CDH7: variants seen among roughly 807,000 people sequenced by gnomAD.
CDH7 encodes cadherin 7, also known as cadherin-7.
In CDH7, 25 loss-of-function variants were observed where a neutral mutation model predicts 71.8. The observed-to-expected ratio is 0.35, with a 90% confidence interval of 0.25 to 0.49. The LOEUF (loss-of-function observed/expected upper bound fraction) is 0.49. CDH7 is among the 20% of genes least tolerant of loss of function. CDH7 has a pLI of 0.99. For synonymous variants in CDH7, 381 were observed against 363.8 expected, an observed-to-expected ratio of 1.05 and a Z score of -0.54; for missense variants, 862 against 974.6, an observed-to-expected ratio of 0.88 and a Z score of 1.54.
intron 2 of CDH7, among the ~76,000 whole-genome samples, chr18:65,806,806 T>TA: frequency 6.6e-6 from 1 of 152,312 alleles, no homozygotes; most frequent in South Asian, 2.1e-4. Flanking sequence ...AGTTTTTTAC[T>TA]AAGAGTGTGG....
chr18:65,818,950 T>C (rs1568202038), intron 4 of CDH7, among the ~76,000 whole-genome samples: 1 of 152,168 alleles, frequency 6.6e-6, no homozygotes, highest in Non-Finnish European at 1.5e-5. Flanking sequence ...ATGGTCCTTA[T>C]GAGGTAGGAG....
intron 11 of CDH7, among the ~76,000 whole-genome samples, chr18:65,869,268 A>G (rs534437077): frequency 3.6e-4 from 55 of 150,802 alleles, no homozygotes; most frequent in African/African-American, 1.3e-3. Context: ...ACCATTCTCT[A>G]TCAGAACCAA....
At chr18:65,773,773 G>C (rs1428723592) in intron 2 of CDH7, among the ~76,000 whole-genome samples, 1 of 152,092 alleles carries the variant, frequency 6.6e-6, no homozygotes, top group African/African-American at 2.4e-5. Flanking sequence ...CGTAATATCT[G>C]TATGTTCTCA....
At chr18:65,756,605 C>T (rs1031657986) in intron 1 of CDH7, among the ~76,000 whole-genome samples, 22 of 152,180 alleles carry the variant, frequency 1.4e-4, no homozygotes, top group African/African-American at 4.8e-4. Context: ...GAGGCAGACT[C>T]CAGACAGCAG....
chr18:65,777,345 A>T (rs1451129222), intron 2 of CDH7, among the ~76,000 whole-genome samples: 1 of 152,076 alleles, frequency 6.6e-6, no homozygotes, highest in East Asian at 1.9e-4. Flanking sequence ...ACATTTGAGT[A>T]TGCAAATACT....
intron 2 of CDH7, among the ~76,000 whole-genome samples, chr18:65,770,881 C>G (rs187449305): frequency 1.4e-4 from 21 of 152,276 alleles, no homozygotes; most frequent in Admixed American, 1.4e-3. Context: ...ATGTATTTGT[C>G]TGTTCTGGTT....
intron 2 of CDH7, among the ~76,000 whole-genome samples, chr18:65,777,325 C>G (rs1371254416): frequency 6.6e-6 from 1 of 151,904 alleles, no homozygotes; most frequent in Non-Finnish European, 1.5e-5. Context: ...AGTTTTAGGG[C>G]AAACTCTCTA....
intron 2 of CDH7, among the ~76,000 whole-genome samples, chr18:65,793,495 A>G (rs1910791335): frequency 6.6e-6 from 1 of 152,114 alleles, no homozygotes; most frequent in Non-Finnish European, 1.5e-5. Flanking sequence ...ATTTTATTAC[A>G]AAACAGAAAT....
intron 2 of CDH7, among the ~76,000 whole-genome samples, chr18:65,795,824 A>C (rs759143974): frequency 6.6e-6 from 1 of 152,080 alleles, no homozygotes; most frequent in Admixed American, 6.5e-5. Flanking sequence ...GGAGGGATCC[A>C]GTGGGAGGTA....
intron 11 of CDH7, among the ~76,000 whole-genome samples, chr18:65,880,045 TAAG>T (rs528605281): frequency 1.3e-5 from 2 of 152,286 alleles, no homozygotes; most frequent in East Asian, 3.9e-4. Context: ...TTCCAGCAAT[TAAG>T]GAGTTCAAAA....
At chr18:65,829,316 C>T (rs1462884234) in intron 6 of CDH7, among the ~76,000 whole-genome samples, 1 of 152,028 alleles carries the variant, frequency 6.6e-6, no homozygotes, top group Non-Finnish European at 1.5e-5. Context: ...GACGGGGTTT[C>T]ACCGTGTTAG....
rs1911368586 is a variant in CDH7, at chr18:65,807,542, A to G, written c.211-2162A>G. 2.0e-5 allele frequency among the ~76,000 whole-genome samples: 3 copies of G among 152,160 alleles called. No individual in the cohort carries two copies. The South Asian group carries it at 6.2e-4, about 32-fold the overall frequency. ...GTGGTCTTCTGGATGTTCTTCTAAC[A>G]TTGCACACCACTGTCAGCAGTAACG... On this transcript the variant is annotated intron_variant, in intron 2 of 11. Coordinates refer to ENST00000397968, the MANE Select transcript of CDH7 (RefSeq NM_004361.5).
At chr18:65,877,898 C>G (rs2144067848) in intron 11 of CDH7, among the ~76,000 whole-genome samples, 2 of 152,254 alleles carry the variant, frequency 1.3e-5, no homozygotes, top group Middle Eastern at 6.8e-3. Context: ...GCCTTTTGAG[C>G]TTTCATACTT....
chr18:65,808,904 G>A (rs760967627), intron 2 of CDH7, among the ~76,000 whole-genome samples: 1 of 152,128 alleles, frequency 6.6e-6, no homozygotes, highest in African/African-American at 2.4e-5. Context: ...GTGTAATTAC[G>A]TGTGAGTTTC....
intron 3 of CDH7, among the ~76,000 whole-genome samples, chr18:65,814,187 G>C (rs528490953): frequency 6.6e-6 from 1 of 151,968 alleles, no homozygotes; most frequent in African/African-American, 2.4e-5. Context: ...GACACCTAAA[G>C]TTTCAGTCCC....
chr18:65,882,446 G>A lies in CDH7; in HGVS notation c.*1552G>A, dbSNP rs965571080. The stretch of plus-strand genomic sequence containing the variant: ...TACATTTACAGATAGTAAACACTGT[G>A]TAGAGAATCATGTTCTAAAAGTGCT... On this transcript the variant is annotated 3_prime_UTR_variant, in exon 12 of 12. Transcript: ENST00000397968. The A allele has an allele frequency of 6.6e-6, 1 of 152,072 alleles. No homozygotes were observed. Among genetic ancestry groups the A allele is most frequent in the Non-Finnish European group, 1.5e-5 (1 of 67,970 alleles). The allele number at this position is 152,072 out of a possible 1,614,324, so 9.4% of individuals were successfully genotyped here. A position where few individuals can be genotyped will look rare whatever the true frequency, so the allele number is the denominator to read the frequency against.
intron 6 of CDH7, among the ~76,000 whole-genome samples, chr18:65,835,037 TA>T (rs1912485291): frequency 6.6e-6 from 1 of 152,140 alleles, no homozygotes; most frequent in Non-Finnish European, 1.5e-5. Flanking sequence ...ATGCATCAGC[TA>T]TTGGTCAGCA....
At chr18:65,794,788 A>G (rs890687754) in intron 2 of CDH7, among the ~76,000 whole-genome samples, 9 of 152,110 alleles carry the variant, frequency 5.9e-5, no homozygotes, top group Admixed American at 5.2e-4. Context: ...GTTGTTGGGG[A>G]GACCTGCAGT....
intron 1 of CDH7, among the ~76,000 whole-genome samples, chr18:65,760,329 A>G (rs147068168): frequency 9.6e-4 from 146 of 152,334 alleles, no homozygotes; most frequent in African/African-American, 3.4e-3. Flanking sequence ...TAGTTAAGAC[A>G]TGACTGACCC....
Sources: gnomAD v4.1 joint callset for allele counts (sites outside exome capture counted in the v4.1 genomes callset) on GRCh38, gnomAD v4.1.1 for gene constraint, MANE v1.5 for transcripts, NCBI Gene and HGNC (gene_info 2026-07-23, HGNC 2026-07-21) for gene names.